Variants in KCNIP4 observed in about 807,000 individuals in gnomAD.
KCNIP4 encodes the protein Kv channel-interacting protein 4.
Under a neutral mutation model 34.0 loss-of-function variants are expected in KCNIP4, and 12 were observed. That is an observed-to-expected ratio of 0.35 (90% confidence interval 0.23 to 0.57). The LOEUF (loss-of-function observed/expected upper bound fraction) is 0.57. Among genes scored for constraint, KCNIP4 ranks in the 20% least tolerant of loss-of-function variants. KCNIP4 has a pLI of 0.83. For missense variants in KCNIP4, 238 were observed against 311.7 expected (o/e 0.76, Z 1.78); for synonymous variants, 124 against 102.2 (o/e 1.21, Z -1.29).
Position 21,773,113 on chromosome 4 carries a change from T to C in KCNIP4, c.61+175458A>G, listed in dbSNP as rs138557621. ...GCTGTGTCCCAGAGATTTTGGTACA[T>C]TGCCTCTGTTCTCATTGGTTTGAAA... On this transcript the variant is annotated intron_variant, in intron 1 of 8. Transcript: ENST00000382152. 1.3e-3 allele frequency among the ~76,000 whole-genome samples: 197 copies of C among 152,156 alleles called. 1 individual carries two copies. The highest frequency in any genetic ancestry group is 4.5e-3 in the African/African-American group (185 of 41,564).
At chr4:21,213,628 C>T (rs1316033763) in intron 1 of KCNIP4, among the ~76,000 whole-genome samples, 2 of 152,022 alleles carry the variant, frequency 1.3e-5, no homozygotes, top group African/African-American at 2.4e-5. Flanking sequence ...AACTGTTAAA[C>T]TCCTAGAATC....
At chr4:21,295,936 G>T (rs962531970) in intron 1 of KCNIP4, among the ~76,000 whole-genome samples, 1 of 152,024 alleles carries the variant, frequency 6.6e-6, no homozygotes, top group Non-Finnish European at 1.5e-5. Flanking sequence ...ATGAATGAAT[G>T]AATGAATGAA....
intron 1 of KCNIP4, among the ~76,000 whole-genome samples, chr4:21,566,870 G>A (rs920873254): frequency 6.6e-6 from 1 of 152,062 alleles, no homozygotes; most frequent in Admixed American, 6.6e-5. Context: ...ACCCACAAAT[G>A]CAGCCTCGCA....
rs138443596 is a variant in KCNIP4, at chr4:21,059,193, T to C, written c.62-176484A>G. Among the ~76,000 whole-genome samples, 489 of 152,262 alleles carry C rather than the reference T, an allele frequency of 3.2e-3. 2 individuals are homozygous for C. The highest frequency in any genetic ancestry group is 0.011 in the African/African-American group (447 of 41,562). On this transcript the variant is annotated intron_variant, in intron 1 of 8. Coordinates refer to ENST00000382152, the MANE Select transcript of KCNIP4 (RefSeq NM_025221.6). ...TTAGCAAAGTTACACAAGATAACTC[T>C]GACACCACAGAACTCCCTGAGGTGT...
intron 1 of KCNIP4, among the ~76,000 whole-genome samples, chr4:21,698,821 G>A (rs1387935264): frequency 6.6e-6 from 1 of 152,028 alleles, no homozygotes; most frequent in African/African-American, 2.4e-5. Context: ...AAGAAATTAT[G>A]TTCTTCTACA....
Position 20,730,771 on chromosome 4 carries a change from G to GAGTT in KCNIP4, c.706-646_706-643dup, listed in dbSNP as rs140934097. Among the ~76,000 whole-genome samples, 349 of 152,282 alleles carry GAGTT rather than the reference G, an allele frequency of 2.3e-3. 7 individuals carry two copies. The South Asian group carries it at 0.046, about 20-fold the overall frequency. ...TCAGTTTAGCATATTCTTTAGAAAT[G>GAGTT]AGTTAGGGGACAGACTTTGGGCATT... On this transcript the variant is annotated intron_variant, in intron 8 of 8. Coordinates refer to ENST00000382152, the MANE Select transcript of KCNIP4 (RefSeq NM_025221.6).
chr4:21,925,963 T>C (rs1291183086), intron 1 of KCNIP4, among the ~76,000 whole-genome samples: 2 of 152,184 alleles, frequency 1.3e-5, no homozygotes, highest in African/African-American at 2.4e-5. Context: ...TCACAGATCC[T>C]CAATGTCTTA....
At chr4:21,694,933 A>AAAATAAAT (rs781345485) in intron 1 of KCNIP4, among the ~76,000 whole-genome samples, 1 of 61,458 alleles carries the variant, frequency 1.6e-5, no homozygotes, top group African/African-American at 4.3e-5. Flanking sequence ...AAAAAAAATA[A>AAAATAAAT]AAATAAATAA....
intron 1 of KCNIP4, among the ~76,000 whole-genome samples, chr4:21,552,834 G>A (rs552344840): frequency 1.3e-5 from 2 of 152,138 alleles, no homozygotes; most frequent in African/African-American, 4.8e-5. Flanking sequence ...GGAGCATCAG[G>A]AAATAAAGAA....
chr4:21,763,609 C>T (rs1718205319), intron 1 of KCNIP4, among the ~76,000 whole-genome samples: 1 of 152,100 alleles, frequency 6.6e-6, no homozygotes, highest in Non-Finnish European at 1.5e-5. Flanking sequence ...TTGGGTCTGT[C>T]CCCTGAGCTG....
chr4:20,943,199 T>C (rs926930759), intron 1 of KCNIP4, among the ~76,000 whole-genome samples: 1 of 152,174 alleles, frequency 6.6e-6, no homozygotes, highest in Non-Finnish European at 1.5e-5. Flanking sequence ...CCAACTGAAT[T>C]TGGTGAGGAA....
intron 1 of KCNIP4, among the ~76,000 whole-genome samples, chr4:21,683,668 G>T (rs1467002681): frequency 6.6e-6 from 1 of 151,598 alleles, no homozygotes; most frequent in African/African-American, 2.4e-5. Flanking sequence ...ATGAGGTGGT[G>T]AAGCCAGATT....
At chr4:20,929,923 AAT>A (rs1455548324) in intron 1 of KCNIP4, among the ~76,000 whole-genome samples, 18 of 152,080 alleles carry the variant, frequency 1.2e-4, no homozygotes, top group African/African-American at 4.3e-4. Context: ...AAAATTTAAC[AAT>A]GTTAAAATGT....
chr4:20,912,991 A>G (rs912836195), intron 1 of KCNIP4, among the ~76,000 whole-genome samples: 1 of 152,172 alleles, frequency 6.6e-6, no homozygotes, highest in African/African-American at 2.4e-5. Context: ...AATGTTAAAC[A>G]TAGAGTTACC....
chr4:21,651,620 A>G (rs780216223), intron 1 of KCNIP4, among the ~76,000 whole-genome samples: 12 of 152,232 alleles, frequency 7.9e-5, no homozygotes, highest in African/African-American at 2.9e-4. Flanking sequence ...GAATGACTCA[A>G]AAGGGCTTTA....
chr4:21,002,777 C>G (rs75940360), intron 1 of KCNIP4, among the ~76,000 whole-genome samples: 7 of 152,172 alleles, frequency 4.6e-5, no homozygotes, highest in African/African-American at 1.7e-4. Context: ...TCCACCTGAA[C>G]GCAGAACAAT....
chr4:21,247,592 T>C lies in KCNIP4; in HGVS notation c.62-364883A>G, dbSNP rs567686899. Among the ~76,000 whole-genome samples the C allele has an allele frequency of 1.0e-3, 149 of 144,294 alleles. 1 individual carries two copies. Among genetic ancestry groups the C allele is most frequent in the African/African-American group, 2.5e-3 (98 of 39,180 alleles). The allele number at this position is 144,294 out of a possible 152,430, so 94.7% of individuals were successfully genotyped here. A position where few individuals can be genotyped will look rare whatever the true frequency, so the allele number is the denominator to read the frequency against. ...AGATATAAATACATATATATATATATACACCACAGATGGTATATATATTTA... is the reference window on the plus strand; with the variant it reads ...AGATATAAATACATATATATATATACACACCACAGATGGTATATATATTTA... On this transcript the variant is annotated intron_variant, in intron 1 of 8. Coordinates refer to ENST00000382152, the MANE Select transcript of KCNIP4 (RefSeq NM_025221.6).
chr4:20,967,758 A>C (rs1395654768), intron 1 of KCNIP4, among the ~76,000 whole-genome samples: 1 of 152,184 alleles, frequency 6.6e-6, no homozygotes, highest in East Asian at 1.9e-4. Flanking sequence ...TCCCTTCCTT[A>C]CACCTTATAC....
intron 1 of KCNIP4, among the ~76,000 whole-genome samples, chr4:21,828,536 T>A (rs960902660): frequency 1.3e-5 from 2 of 151,732 alleles, no homozygotes; most frequent in South Asian, 2.1e-4. Context: ...TAAATAAAAA[T>A]AAATCCATTC....
Sources: allele counts gnomAD v4.1 joint callset (sites outside exome capture counted in the v4.1 genomes callset), GRCh38; gene constraint gnomAD v4.1.1; transcripts MANE v1.5; gene names NCBI Gene and HGNC (gene_info 2026-07-23, HGNC 2026-07-21).